The following LPP variants were observed in gnomAD, a reference collection of about 807,000 sequenced individuals.
LPP encodes the protein LIM domain containing preferred translocation partner in lipoma.
Under a neutral mutation model 60.4 loss-of-function variants are expected in LPP, and 38 were observed. The ratio of observed to expected loss-of-function variants is 0.63; its 90% CI spans 0.49 to 0.83. The LOEUF (loss-of-function observed/expected upper bound fraction) is 0.83, where lower values mean the gene tolerates loss of function less well. Ranked by LOEUF, LPP falls within the 40% of genes least tolerant of loss-of-function variation. The pLI, the probability that LPP is intolerant of heterozygous loss-of-function variation, is 0.00. For missense variants in LPP, 902 were observed against 783.6 expected (o/e 1.15, Z -1.80); for synonymous variants, 328 against 290.8 (o/e 1.13, Z -1.30).
chr3:188,273,589 C>CTTTT (rs11380757), intron 2 of LPP, among the ~76,000 whole-genome samples: 2,789 of 80,262 alleles, frequency 0.035, 79 homozygotes, highest in Middle Eastern at 0.062. Context: ...TATTTTATAT[C>CTTTT]TTTTTTTTTT....
chr3:188,419,563 A>G (rs929464895), intron 4 of LPP, among the ~76,000 whole-genome samples: 9 of 152,318 alleles, frequency 5.9e-5, no homozygotes, highest in Middle Eastern at 6.8e-3. Context: ...ACTCACCAGG[A>G]TAAGTGGCAA....
At chr3:188,458,246 A>T (rs184061206) in intron 4 of LPP, among the ~76,000 whole-genome samples, 101 of 152,270 alleles carry the variant, frequency 6.6e-4, no homozygotes, top group African/African-American at 2.4e-3. Context: ...TGGATAAAAG[A>T]TTCAGCAGGG....
rs766127313 is a variant in LPP, at chr3:188,165,307, T to C, written c.-190+11055T>C. Among the ~76,000 whole-genome samples the C allele has an allele frequency of 3.9e-4, 60 of 151,914 alleles. 1 individual carries two copies. Among genetic ancestry groups the C allele is most frequent in the Middle Eastern group, 3.4e-3 (1 of 294 alleles). ...AAAAAAAAAAGTCTGATGGCTCTAA[T>C]TGGATGGTAACTCCCTAGGGACCTG... is the stretch of plus-strand genomic sequence containing the variant. On this transcript the variant is annotated intron_variant, in intron 1 of 11. Transcript: ENST00000617246.
chr3:188,828,500 A>G (rs2151549500), intron 9 of LPP, among the ~76,000 whole-genome samples: 1 of 150,388 alleles, frequency 6.6e-6, no homozygotes, highest in Non-Finnish European at 1.5e-5. Flanking sequence ...CTGTAATCCT[A>G]GCTACTTGGG....
intron 1 of LPP, among the ~76,000 whole-genome samples, chr3:188,203,732 T>G (rs189675319): frequency 0.013 from 1,998 of 149,442 alleles, 51 homozygotes; most frequent in African/African-American, 0.047. Flanking sequence ...CCTTCTGCCT[T>G]GGCCTCCCAA....
At chr3:188,549,926 G>C (rs2150502361) in intron 6 of LPP, among the ~76,000 whole-genome samples, 1 of 152,230 alleles carries the variant, frequency 6.6e-6, no homozygotes, top group East Asian at 1.9e-4. Flanking sequence ...TAAAATCTTG[G>C]TTCTAAAGTC....
chr3:188,579,513 T>C (rs1580129903), intron 6 of LPP, among the ~76,000 whole-genome samples: 1 of 152,330 alleles, frequency 6.6e-6, no homozygotes, highest in African/African-American at 2.4e-5. Flanking sequence ...TCATACATGT[T>C]CATCATGTTT....
chr3:188,416,180 A>G (rs1786228865), intron 4 of LPP, among the ~76,000 whole-genome samples: 1 of 152,210 alleles, frequency 6.6e-6, no homozygotes, highest in Non-Finnish European at 1.5e-5. Flanking sequence ...TCAAAGTGCT[A>G]TCTTACATGC....
At chr3:188,172,591 T>C (rs988493901) in intron 1 of LPP, among the ~76,000 whole-genome samples, 44 of 152,228 alleles carry the variant, frequency 2.9e-4, no homozygotes, top group Non-Finnish European at 6.2e-4. Context: ...TAAATAAACT[T>C]TTAATTTTGG....
In LPP at chr3:188,689,800, T is replaced by C. The variant is rs115828637; in HGVS notation, c.1114-18467T>C. Among the ~76,000 whole-genome samples, 1,031 of 152,324 alleles carry C rather than the reference T, an allele frequency of 6.8e-3. 15 individuals are homozygous for C. The highest frequency in any genetic ancestry group is 0.024 in the African/African-American group (986 of 41,556). On this transcript the variant is annotated intron_variant, in intron 7 of 11. Coordinates refer to ENST00000617246, the MANE Select transcript of LPP (RefSeq NM_001375462.1). ...GTGAAGTGACTTGCCCAAATCCATATAGCTTATTATGCTACCTGTTTGTTA... is the reference window on the plus strand; with the variant it reads ...GTGAAGTGACTTGCCCAAATCCATACAGCTTATTATGCTACCTGTTTGTTA...
intron 4 of LPP, among the ~76,000 whole-genome samples, chr3:188,456,378 G>T (rs1797745554): frequency 6.6e-6 from 1 of 152,126 alleles, no homozygotes; most frequent in African/African-American, 2.4e-5. Context: ...ACACCAACAG[G>T]GACCTTATAA....
At chr3:188,538,724 A>G (rs1460249204) in intron 6 of LPP, among the ~76,000 whole-genome samples, 1 of 152,232 alleles carries the variant, frequency 6.6e-6, no homozygotes, top group African/African-American at 2.4e-5. Context: ...AAAGACCTGT[A>G]TAGAGATGTT....
intron 7 of LPP, among the ~76,000 whole-genome samples, chr3:188,688,524 C>T (rs545871816): frequency 1.3e-5 from 2 of 152,300 alleles, no homozygotes; most frequent in South Asian, 2.1e-4. Context: ...GTGTGGTACA[C>T]AGAGGATGTG....
chr3:188,437,310 G>A (rs569171595), intron 4 of LPP, among the ~76,000 whole-genome samples: 2 of 152,280 alleles, frequency 1.3e-5, no homozygotes, highest in South Asian at 4.1e-4. Flanking sequence ...AATGCCTTGT[G>A]TATCCTTCAA....
intron 2 of LPP, among the ~76,000 whole-genome samples, chr3:188,259,800 C>T (rs1432515147): frequency 1.3e-5 from 2 of 152,060 alleles, no homozygotes; most frequent in Non-Finnish European, 2.9e-5. Context: ...GCGTAAAATC[C>T]GGTGACCTAG....
At chr3:188,800,444 A>G (rs1040419986) in intron 9 of LPP, among the ~76,000 whole-genome samples, 2 of 151,770 alleles carry the variant, frequency 1.3e-5, no homozygotes, top group African/African-American at 2.4e-5. Flanking sequence ...GTGGGGTTTC[A>G]TCGTGTTAGC....
At chr3:188,698,903 T>G (rs1050285685) in intron 7 of LPP, among the ~76,000 whole-genome samples, 1 of 152,212 alleles carries the variant, frequency 6.6e-6, no homozygotes, top group Admixed American at 6.5e-5. Flanking sequence ...CAACAATTAA[T>G]GTGAAATTCG....
Position 188,889,145 on chromosome 3 carries a change from G to A in LPP, c.*14666G>A, listed in dbSNP as rs919071803. On this transcript the variant is annotated 3_prime_UTR_variant, in exon 12 of 12. Transcript: ENST00000617246. ...GCTGTGGGGATTGGAAGCTCAGGGG[G>A]CCAAATGTCCTTGCCAGATCCTTAG... The A allele has an allele frequency of 1.3e-5, 3 of 227,436 alleles. No individual in the cohort carries two copies. Among genetic ancestry groups the A allele is most frequent in the Non-Finnish European group, 2.6e-5 (3 of 114,440 alleles). 14.1% of individuals were successfully genotyped at this position (227,436 alleles called of 1,614,324 possible).
chr3:188,346,058 C>T (rs1417368870), intron 3 of LPP, among the ~76,000 whole-genome samples: 3 of 152,012 alleles, frequency 2.0e-5, no homozygotes, highest in Non-Finnish European at 2.9e-5. Flanking sequence ...GGACCTGCAG[C>T]GAATGTGCAG....
Sources: allele counts gnomAD v4.1 joint callset (sites outside exome capture counted in the v4.1 genomes callset), GRCh38; gene constraint gnomAD v4.1.1; transcripts MANE v1.5; gene names NCBI Gene and HGNC (gene_info 2026-07-23, HGNC 2026-07-21).